Variants in TLE4 observed in about 807,000 individuals in gnomAD.
TLE4 encodes transducin-like enhancer protein 4.
In TLE4, 8 loss-of-function variants were observed where a neutral mutation model predicts 92.8. That is an observed-to-expected ratio of 0.09 (90% CI 0.05 to 0.16). TLE4 has a LOEUF of 0.16. Ranked by LOEUF, TLE4 falls within the 10% of genes least tolerant of loss-of-function variation. The pLI is 1.00. For missense variants in TLE4, 675 were observed against 997.6 expected (o/e 0.68, Z 4.36); for synonymous variants, 371 against 374.1 (o/e 0.99, Z 0.10).
chr9:79,677,247 G>GT (rs1309116724), intron 8 of TLE4, among the ~76,000 whole-genome samples: 3 of 152,126 alleles, frequency 2.0e-5, no homozygotes, highest in Non-Finnish European at 4.4e-5. Flanking sequence ...ATTCAAAGTA[G>GT]TAATTTTGGC....
intron 18 of TLE4, 29 bp from the exon 19 acceptor site, chr9:79,722,930 T>C: frequency 3.7e-6 from 6 of 1,607,224 alleles, no homozygotes; most frequent in South Asian, 1.1e-5. Flanking sequence ...AACACAAACA[T>C]TGCCTTTTTC....
intron 8 of TLE4, among the ~76,000 whole-genome samples, chr9:79,660,791 G>A (rs1055950333): frequency 4.6e-5 from 7 of 152,170 alleles, no homozygotes; most frequent in African/African-American, 1.7e-4. Flanking sequence ...TATCTTTAGG[G>A]CATAGCTGGT....
intron 5 of TLE4, among the ~76,000 whole-genome samples, chr9:79,621,591 T>C (rs375635292): frequency 2.0e-5 from 3 of 152,098 alleles, no homozygotes; most frequent in African/African-American, 7.2e-5. Context: ...GAGAGACTGG[T>C]TAGGGTGTGA....
chr9:79,603,763 A>G (rs1002211059), intron 4 of TLE4, among the ~76,000 whole-genome samples: 1 of 152,134 alleles, frequency 6.6e-6, no homozygotes, highest in Non-Finnish European at 1.5e-5. Context: ...CTAACCACCT[A>G]AACTGTAGTT....
chr9:79,722,545 A>G lies in TLE4; in HGVS notation c.2081A>G (p.Lys694Arg). 6.2e-7 allele frequency: 1 copy of G among 1,614,246 alleles called. No homozygotes were observed. The highest frequency in any genetic ancestry group is 1.7e-4 in the Middle Eastern group (1 of 6,058). ...VEVLHVTKPD[K>R]YQLHLHESCV... Reference sequence around the variant, plus strand: ...GTTTTGCATGTCACCAAGCCAGACAAATACCAACTACATCTTCATGAGAGC... The same window carrying G: ...GTTTTGCATGTCACCAAGCCAGACAGATACCAACTACATCTTCATGAGAGC... The change falls in exon 18 of 20, where the codon AAA becomes AGA. Residue 694 changes from lysine to arginine, a missense_variant. Lys to Arg is a conservative substitution (Grantham distance 26, BLOSUM62 2). Coordinates refer to ENST00000376552, the MANE Select transcript of TLE4 (RefSeq NM_007005.6).
chr9:79,700,543 T>C (rs1292650584), intron 8 of TLE4, among the ~76,000 whole-genome samples: 1 of 152,184 alleles, frequency 6.6e-6, no homozygotes, highest in African/African-American at 2.4e-5. Context: ...TAGAATCTTC[T>C]CATAGTGAAA....
At chr9:79,696,975 A>C (rs1223214603) in intron 8 of TLE4, among the ~76,000 whole-genome samples, 3 of 152,200 alleles carry the variant, frequency 2.0e-5, no homozygotes, top group Non-Finnish European at 4.4e-5. Flanking sequence ...GAGATTTGCC[A>C]GTGAGACTTA....
Position 79,654,116 on chromosome 9 carries a change from G to A in TLE4, c.609+41G>A, listed in dbSNP as rs748583676. On this transcript the variant is annotated intron_variant, in intron 8 of 19. Coordinates refer to ENST00000376552, the MANE Select transcript of TLE4 (RefSeq NM_007005.6). ...TACAGACTAAGGAATGGCTTAAAAG[G>A]GCTGTAAATGATTTGAATGAATCTA... 3.8e-6 allele frequency: 6 copies of A among 1,586,528 alleles called. No homozygotes were observed. In the South Asian group the frequency reaches 5.5e-5, roughly 15 times the overall value.
In TLE4 at chr9:79,652,673, C is replaced by A. The variant is rs754791343; in HGVS notation, c.471C>A (p.Pro157=). The change falls in exon 7 of 20, where the codon CCC becomes CCA. Residue 157 remains proline (P), a synonymous_variant. Transcript: ENST00000376552. ...CTCCACACCCTTCAGGGCTCCAGCC[C>A]CCTGCCATTCCACCCATCGGTAGCA... The part of the protein sequence containing the change: ...PLTPHPSGLQ[P]PAIPPIGSSA... The A allele has an allele frequency of 6.2e-7, 1 of 1,614,210 alleles. No homozygotes were observed. Among genetic ancestry groups the A allele is most frequent in the Non-Finnish European group, 8.5e-7 (1 of 1,180,038 alleles).
intron 6 of TLE4, among the ~76,000 whole-genome samples, chr9:79,631,636 G>A (rs918255642): frequency 1.1e-4 from 17 of 150,438 alleles, no homozygotes; most frequent in African/African-American, 3.7e-4. Flanking sequence ...GTGTGTGTGT[G>A]TGTGTGTGTG....
chr9:79,682,559 T>C (rs1325932971), intron 8 of TLE4, among the ~76,000 whole-genome samples: 1 of 152,078 alleles, frequency 6.6e-6, no homozygotes, highest in African/African-American at 2.4e-5. Context: ...GTAGTAGTCG[T>C]TTGTCATAAA....
intron 4 of TLE4, among the ~76,000 whole-genome samples, chr9:79,583,412 G>T (rs746395807): frequency 8.5e-5 from 13 of 152,136 alleles, no homozygotes; most frequent in Non-Finnish European, 7.3e-5. Flanking sequence ...CACATTTCAA[G>T]AATTGTATGG....
intron 6 of TLE4, among the ~76,000 whole-genome samples, chr9:79,631,955 C>T (rs2054387686): frequency 6.6e-6 from 1 of 152,096 alleles, no homozygotes; most frequent in African/African-American, 2.4e-5. Flanking sequence ...CAGTAACACA[C>T]AACTTGAAAT....
At chr9:79,648,561 G>GA (rs2058455454) in intron 6 of TLE4, among the ~76,000 whole-genome samples, 1 of 151,666 alleles carries the variant, frequency 6.6e-6, no homozygotes, top group Non-Finnish European at 1.5e-5. Context: ...TGAATTTAGG[G>GA]AAAAAAACCA....
At chr9:79,724,447 C>T (rs1386145550) in intron 19 of TLE4, among the ~76,000 whole-genome samples, 1 of 152,084 alleles carries the variant, frequency 6.6e-6, no homozygotes, top group East Asian at 1.9e-4. Context: ...AGCAGAGGTG[C>T]TCATGCCATT....
intron 8 of TLE4, among the ~76,000 whole-genome samples, chr9:79,700,853 T>C (rs1316030816): frequency 4.6e-5 from 7 of 151,788 alleles, no homozygotes; most frequent in African/African-American, 1.7e-4. Context: ...CACACACACA[T>C]ACACACACAC....
intron 8 of TLE4, among the ~76,000 whole-genome samples, chr9:79,672,574 G>T (rs189309999): frequency 6.6e-6 from 1 of 152,090 alleles, no homozygotes; most frequent in South Asian, 2.1e-4. Flanking sequence ...CTTACCAACC[G>T]CCAGACCTTT....
intron 6 of TLE4, among the ~76,000 whole-genome samples, chr9:79,637,397 T>C (rs1564552019): frequency 6.6e-6 from 1 of 152,178 alleles, no homozygotes; most frequent in Non-Finnish European, 1.5e-5. Flanking sequence ...GTGGCAGGAC[T>C]GGGATCCAAA....
chr9:79,636,618 A>G (rs558358901), intron 6 of TLE4, among the ~76,000 whole-genome samples: 1 of 152,130 alleles, frequency 6.6e-6, no homozygotes, highest in Admixed American at 6.6e-5. Context: ...GTGTCAGCTC[A>G]GATGTTATTT....
Sources: gnomAD v4.1 joint callset for allele counts (sites outside exome capture counted in the v4.1 genomes callset) on GRCh38, gnomAD v4.1.1 for gene constraint, MANE v1.5 for transcripts, NCBI Gene and HGNC (gene_info 2026-07-23, HGNC 2026-07-21) for gene names.